Variants in PCDHA4 observed in about 807,000 individuals in gnomAD.
PCDHA4 encodes protocadherin alpha 4.
A neutral mutation model predicts 61.4 loss-of-function variants in PCDHA4; 49 were observed. The observed-to-expected ratio is 0.80, with a 90% CI of 0.63 to 1.01. The LOEUF (loss-of-function observed/expected upper bound fraction) is 1.01, where lower values mean the gene tolerates loss of function less well. Among genes scored for constraint, PCDHA4 ranks in the 50% least tolerant of loss-of-function variants. PCDHA4 has a pLI of 0.00. For synonymous variants in PCDHA4, 590 were observed against 550.3 expected (o/e 1.07, Z -1.01); for missense variants, 1,254 against 1,235.8 (o/e 1.01, Z -0.22).
rs782343997 is a variant in PCDHA4 at position 140,882,709 on chromosome 5, T to C, written c.2385+73137T>C. 6 of 1,614,022 alleles carry C rather than the reference T, an allele frequency of 3.7e-6. No homozygotes were observed. In the Admixed American group the frequency reaches 6.7e-5, roughly 18 times the overall value. ...GAATAATCATTGCAGAATCTAGACC[T>C]CCGGAAACTCGATTTCCACTAGATG... is the stretch of plus-strand genomic sequence containing the variant. On this transcript the variant is annotated intron_variant, in intron 1 of 3. Coordinates refer to ENST00000530339, the MANE Select transcript of PCDHA4 (RefSeq NM_018907.4).
chr5:140,922,268 A>T (rs2153564244), intron 1 of PCDHA4, among the ~76,000 whole-genome samples: 1 of 152,382 alleles, frequency 6.6e-6, no homozygotes, highest in Non-Finnish European at 1.5e-5. Context: ...TGCCATGAAG[A>T]TTGGACCAAG....
At chr5:140,862,093 G>C (rs1554155665) in intron 1 of PCDHA4, 1 of 156,518 alleles carries the variant, frequency 6.4e-6, no homozygotes, top group African/African-American at 2.4e-5. Flanking sequence ...GCCCTTTTTC[G>C]CATAGATTCA....
chr5:140,837,423 A>T (rs1278858635), intron 1 of PCDHA4, among the ~76,000 whole-genome samples: 3 of 151,962 alleles, frequency 2.0e-5, no homozygotes, highest in African/African-American at 7.3e-5. Flanking sequence ...TCAAAATTTC[A>T]AAGAGTGAAA....
chr5:140,843,306 C>G, intron 1 of PCDHA4: 1 of 1,596,008 alleles, frequency 6.3e-7, no homozygotes, highest in East Asian at 2.2e-5. Context: ...CTGACCGCCA[C>G]GGCCACGGTT....
chr5:140,870,096 T>C, intron 1 of PCDHA4: 1 of 1,613,854 alleles, frequency 6.2e-7, no homozygotes, highest in Non-Finnish European at 8.5e-7. Context: ...CAATGGCAGG[T>C]CACTGTACAG....
At chr5:140,893,984 AT>A (rs1305613741) in intron 1 of PCDHA4, among the ~76,000 whole-genome samples, 1 of 152,200 alleles carries the variant, frequency 6.6e-6, no homozygotes, top group South Asian at 2.1e-4. Context: ...TAATTTTAAA[AT>A]ATCTCCAATT....
At chr5:140,817,338 C>T (rs1289238109) in intron 1 of PCDHA4, 1 of 152,250 alleles carries the variant, frequency 6.6e-6, no homozygotes, top group Non-Finnish European at 1.5e-5. Flanking sequence ...TTTACACTTG[C>T]TTGGAGCCCA....
intron 1 of PCDHA4, chr5:140,926,634 T>C (rs2083423230): frequency 6.8e-6 from 3 of 438,778 alleles, no homozygotes; most frequent in Non-Finnish European, 1.2e-5. Context: ...GCTGCGCTCC[T>C]CAACACCCGG....
rs143469399 is a variant in PCDHA4 at position 140,850,397 on chromosome 5, G to T, written c.2385+40825G>T. On this transcript the variant is annotated intron_variant, in intron 1 of 3. Transcript: ENST00000530339. ...TGTACACGGGCGAGATCAGCACAAC[G>T]CGTGCCCTGGACGAAACGGACGCAC... 3.1e-6 allele frequency: 5 copies of T among 1,597,958 alleles called. No homozygotes were observed. The Admixed American group carries it at 6.8e-5, about 22-fold the overall frequency.
At chr5:140,948,752 C>T (rs246047) in intron 1 of PCDHA4, among the ~76,000 whole-genome samples, 85,413 of 151,184 alleles carry the variant, frequency 0.56, 24,715 homozygotes, top group African/African-American at 0.69. Context: ...ATCAATTTTG[C>T]TGATTTTTTT....
intron 1 of PCDHA4, chr5:140,864,231 T>C (rs949424981): frequency 6.6e-6 from 1 of 152,222 alleles, no homozygotes; most frequent in East Asian, 1.9e-4. Flanking sequence ...AAGCAAGTTC[T>C]TTATTCCTAT....
At chr5:140,843,522 CG>C (rs1554140172) in intron 1 of PCDHA4, 1 of 1,595,680 alleles carries the variant, frequency 6.3e-7, no homozygotes, top group Non-Finnish European at 8.6e-7. Flanking sequence ...GGGTGCCGGG[CG>C]GGCAAGCCCA....
intron 1 of PCDHA4, chr5:140,812,839 T>G (rs2126642173): frequency 6.6e-6 from 1 of 152,366 alleles, no homozygotes; most frequent in East Asian, 1.9e-4. Flanking sequence ...TTGTTTATCT[T>G]AACATATTTT....
At chr5:140,841,743 T>A (rs1554138513) in intron 1 of PCDHA4, 1 of 1,613,818 alleles carries the variant, frequency 6.2e-7, no homozygotes, top group Admixed American at 1.7e-5. Context: ...CAAAAGCTGT[T>A]TGTTTCAGAA....
At chr5:140,848,698 CCAAAGG>C (rs2040558195) in intron 1 of PCDHA4, 1 of 1,592,180 alleles carries the variant, frequency 6.3e-7, no homozygotes, top group African/African-American at 1.3e-5. Context: ...CAGTTGGATT[CCAAAGG>C]CCGCGGGGAC....
At chr5:140,813,153 C>T (rs1267640659) in intron 1 of PCDHA4, 2 of 152,114 alleles carry the variant, frequency 1.3e-5, no homozygotes, top group Admixed American at 1.3e-4. Context: ...CTGTTAGTTC[C>T]ATTTCAGCTA....
At chr5:140,958,703 C>T (rs1302459806) in intron 1 of PCDHA4, among the ~76,000 whole-genome samples, 3 of 152,112 alleles carry the variant, frequency 2.0e-5, no homozygotes, top group Non-Finnish European at 4.4e-5. Flanking sequence ...AGAGTGACAA[C>T]TCTGTTATAA....
intron 1 of PCDHA4, among the ~76,000 whole-genome samples, chr5:140,872,147 A>G (rs182622131): frequency 6.6e-6 from 1 of 152,118 alleles, no homozygotes; most frequent in East Asian, 1.9e-4. Flanking sequence ...CTCCATTAGT[A>G]TGACATGATT....
intron 3 of PCDHA4, among the ~76,000 whole-genome samples, chr5:140,988,762 C>T (rs546274253): frequency 6.6e-6 from 1 of 152,308 alleles, no homozygotes; most frequent in South Asian, 2.1e-4. Context: ...GGGCAGAATA[C>T]AGTCATGGTT....
Sources: allele counts gnomAD v4.1 joint callset (sites outside exome capture counted in the v4.1 genomes callset), GRCh38; gene constraint gnomAD v4.1.1; transcripts MANE v1.5; gene names NCBI Gene and HGNC (gene_info 2026-07-23, HGNC 2026-07-21).